Variants in ATM observed in about 807,000 individuals in gnomAD.
ATM encodes the protein ATM serine/threonine kinase.
A neutral mutation model predicts 387.0 loss-of-function variants in ATM; 308 were observed. The observed-to-expected ratio is 0.80, with a 90% CI of 0.73 to 0.87. The LOEUF (loss-of-function observed/expected upper bound fraction) is 0.87. Ranked by LOEUF, ATM falls within the 40% of genes least tolerant of loss-of-function variation. ATM has a pLI of 0.00. For synonymous variants in ATM, 1,156 were observed against 1,187.3 expected (o/e 0.97, Z 0.54); for missense variants, 3,312 against 3,560.9 (o/e 0.93, Z 1.78).
At position 108,277,318 on chromosome 11, in the gene ATM, C is replaced by T. The variant is rs570805422; in HGVS notation, c.3285-2173C>T. Among the ~76,000 whole-genome samples, 36 of 152,310 alleles carry T rather than the reference C, an allele frequency of 2.4e-4. No homozygotes were observed. In the East Asian group the frequency reaches 6.6e-3, roughly 28 times the overall value. ...TTGCTGGTCTCCATGGGGGTGGGAT[C>T]CGCTGAGCTAGACCACTTGGCTCCC... On this transcript the variant is annotated intron_variant, in intron 22 of 62. Coordinates refer to ENST00000675843, the MANE Select transcript of ATM (RefSeq NM_000051.4).
chr11:108,329,119 T>G lies in ATM; in HGVS notation c.7188T>G (p.Thr2396=). Residue 2396 remains threonine (T), a synonymous_variant, in exon 49 of 63, where the codon ACT becomes ACG. Coordinates refer to ENST00000675843, the MANE Select transcript of ATM (RefSeq NM_000051.4). ...AFLSLARFSD[T]QYQRIENYMK... Reference sequence around the variant, plus strand: ...TCTCATTAGCCCGGTTTTCAGATACTCAATACCAAAGAATTGAAAACTACA... The same window carrying G: ...TCTCATTAGCCCGGTTTTCAGATACGCAATACCAAAGAATTGAAAACTACA... 1 of 1,614,086 alleles carries G rather than the reference T, an allele frequency of 6.2e-7. No individual in the cohort carries two copies. The highest frequency in any genetic ancestry group is 8.5e-7 in the Non-Finnish European group (1 of 1,179,994).
In ATM at chr11:108,232,527, C is replaced by CCTTTTTTTTTTTTTTTTTTTTTTTTTT. The variant is rs2079062867; in HGVS notation, c.332-3143_332-3142insCTTTTTTTTTTTTTTTTTTTTTTTTTT. ...TAAGCAAATATTGTTGATTTCTCTC[C>CCTTTTTTTTTTTTTTTTTTTTTTTTTT]TTTTTTTTTTTTTTTTTTTTTTTTT... On this transcript the variant is annotated intron_variant, in intron 4 of 62. Transcript: ENST00000675843. Among the ~76,000 whole-genome samples the CCTTTTTTTTTTTTTTTTTTTTTTTTTT allele has an allele frequency of 5.2e-5, 3 of 58,178 alleles. 1 individual carries two copies. Among genetic ancestry groups the CCTTTTTTTTTTTTTTTTTTTTTTTTTT allele is most frequent in the African/African-American group, 1.9e-4 (3 of 15,386 alleles). The allele number at this position is 58,178 out of a possible 152,430, so 38.2% of individuals were successfully genotyped here. A position where few individuals can be genotyped will look rare whatever the true frequency, so the allele number is the denominator to read the frequency against.
intron 26 of ATM, among the ~76,000 whole-genome samples, chr11:108,285,926 A>G (rs1383296489): frequency 1.3e-5 from 2 of 152,232 alleles, no homozygotes; most frequent in Non-Finnish European, 2.9e-5. Flanking sequence ...GAGCCTGAAT[A>G]GGTTTTGGAG....
At chr11:108,279,712 T>G in intron 23 of ATM, 104 bp downstream of exon 23, 1 of 929,760 alleles carries the variant, frequency 1.1e-6, no homozygotes, top group Non-Finnish European at 1.8e-6. Context: ...ATCCAGTAGT[T>G]TACAGTATAA....
intron 30 of ATM, 37 bp from the exon 31 acceptor site, chr11:108,293,276 C>A: frequency 7.9e-7 from 1 of 1,263,834 alleles, no homozygotes; most frequent in Non-Finnish European, 1.1e-6. Flanking sequence ...AAAATTATTT[C>A]TCTCCTTATA....
intron 59 of ATM, among the ~76,000 whole-genome samples, chr11:108,348,178 T>C (rs227076): frequency 0.52 from 78,006 of 149,996 alleles, 20,883 homozygotes; most frequent in Middle Eastern, 0.72. Context: ...CTAGGTGGAA[T>C]AGACAGTTTA....
chr11:108,283,056 C>T (rs2082319548), intron 25 of ATM, among the ~76,000 whole-genome samples, 177 bp downstream of exon 25: 1 of 152,216 alleles, frequency 6.6e-6, no homozygotes, highest in African/African-American at 2.4e-5. Flanking sequence ...AAGGGAGTCA[C>T]TGGACTTCAG....
rs769106895 is a variant in ATM, at chr11:108,282,747, G to A, written c.3614G>A (p.Arg1205His). ...EKVSETFGYRRLEDFMASHLD... is the reference protein window; with the variant it reads ...EKVSETFGYRHLEDFMASHLD... ...GTTTCTGAAACTTTTGGATATAGACGTTTAGAAGACTTTATGGCATCTCAT... is the reference window on the plus strand; with the variant it reads ...GTTTCTGAAACTTTTGGATATAGACATTTAGAAGACTTTATGGCATCTCAT... Residue 1205 changes from arginine to histidine, a missense_variant, in exon 25 of 63, where the codon CGT becomes CAT. Around this residue, in one of 4 missense-constraint regions of ATM, gnomAD observed 1,791 missense variants for 1,804.5 expected, o/e 0.99. Coordinates refer to ENST00000675843, the MANE Select transcript of ATM (RefSeq NM_000051.4). The A allele has an allele frequency of 1.3e-5, 21 of 1,613,196 alleles. No individual in the cohort carries two copies. The African/African-American group carries it at 1.5e-4, about 11-fold the overall frequency.
At chr11:108,322,363 A>G (rs1463521227) in intron 45 of ATM, among the ~76,000 whole-genome samples, 1 of 152,162 alleles carries the variant, frequency 6.6e-6, no homozygotes, top group Non-Finnish European at 1.5e-5. Context: ...CTTGTTGGTC[A>G]GCCTGGCCTC....
At chr11:108,269,841 A>G (rs1333663350) in intron 18 of ATM, among the ~76,000 whole-genome samples, 1 of 152,204 alleles carries the variant, frequency 6.6e-6, no homozygotes, top group Non-Finnish European at 1.5e-5. Context: ...GTGAGAAGAC[A>G]AGTTTGGTTG....
intron 32 of ATM, chr11:108,296,860 C>T (rs2083150346): frequency 4.2e-6 from 1 of 240,716 alleles, no homozygotes; most frequent in South Asian, 5.5e-5. Flanking sequence ...CAGTAGTGAT[C>T]ATTGGACAGT....
intron 39 of ATM, among the ~76,000 whole-genome samples, chr11:108,311,423 C>T (rs1422746008): frequency 6.6e-6 from 1 of 152,110 alleles, no homozygotes; most frequent in Non-Finnish European, 1.5e-5. Context: ...AGGTTGGGCA[C>T]AGTGGCTCAC....
chr11:108,257,500 G>T lies in ATM; in HGVS notation c.2270G>T (p.Gly757Val), dbSNP rs375091571. Residue 757 changes from glycine to valine, a missense_variant, in exon 15 of 63, where the codon GGA becomes GTA. Around this residue, in one of 4 missense-constraint regions of ATM, gnomAD observed 1,791 missense variants for 1,804.5 expected, o/e 0.99. Coordinates refer to ENST00000675843, the MANE Select transcript of ATM (RefSeq NM_000051.4). ...QKAKSLMQCA[G>V]ESITLFKNKT... ...CAATAGTCTCTAATGCAATGTGCAG[G>T]AGAAAGTATCACTCTGTTTAAAAAT... 1.2e-6 allele frequency: 2 copies of T among 1,613,234 alleles called. No individual in the cohort carries two copies. Among genetic ancestry groups the T allele is most frequent in the African/African-American group, 1.3e-5 (1 of 74,910 alleles).
intron 49 of ATM, among the ~76,000 whole-genome samples, chr11:108,329,617 C>T (rs1353180332): frequency 3.3e-5 from 5 of 151,972 alleles, no homozygotes; most frequent in Admixed American, 2.6e-4. Flanking sequence ...TGCCATGTTG[C>T]CCAGGTTGGT....
Position 108,321,534 on chromosome 11 carries a change from G to C in ATM, c.6572+114G>C. 8.0e-6 allele frequency: 12 copies of C among 1,493,672 alleles called. No homozygotes were observed. In the South Asian group the frequency reaches 1.4e-4, roughly 17 times the overall value. The allele number at this position is 1,493,672 out of a possible 1,614,324, so 92.5% of individuals were successfully genotyped here. A position where few individuals can be genotyped will look rare whatever the true frequency, so the allele number is the denominator to read the frequency against. On this transcript the variant is annotated intron_variant, in intron 45 of 62. Transcript: ENST00000675843. ...ACGGTGGCTCATGCCTGTAATCCTA[G>C]CACTTTAGAAGGCTGAAGTGGGTGG...
intron 45 of ATM, 27 bp downstream of exon 45, chr11:108,321,447 C>A (rs1370155494): frequency 6.2e-7 from 1 of 1,613,684 alleles, no homozygotes; most frequent in Non-Finnish European, 8.5e-7. Context: ...ACTTTGTTAT[C>A]CTAAAGTGCA....
At chr11:108,328,382 G>T (rs911016786) in intron 48 of ATM, among the ~76,000 whole-genome samples, 10 of 152,172 alleles carry the variant, frequency 6.6e-5, no homozygotes, top group African/African-American at 2.4e-4. Flanking sequence ...AAGTAGCTGG[G>T]ACTACAGGAG....
Position 108,325,476 on chromosome 11 carries a change from A to G in ATM, c.6739A>G (p.Ile2247Val), listed in dbSNP as rs587781521. 1.2e-5 allele frequency: 19 copies of G among 1,613,576 alleles called. No homozygotes were observed. Among genetic ancestry groups the G allele is most frequent in the Admixed American group, 1.7e-5 (1 of 60,002 alleles). ...AATGGACAACTCACAAAGAGAATGT[A>G]TTAAGGACATTCTCACCAAACACCT... ...KEMDNSQREC[I>V]KDILTKHLVE... The change falls in exon 46 of 63, where the codon ATT (isoleucine) becomes GTT (valine). Residue 2247 changes from isoleucine to valine, a missense_variant. Transcript: ENST00000675843.
rs899241025 is a variant in ATM at position 108,271,297 on chromosome 11, A to G, written c.2968A>G (p.Ile990Val). 6.2e-7 allele frequency: 1 copy of G among 1,612,868 alleles called. No individual in the cohort carries two copies. The highest frequency in any genetic ancestry group is 1.3e-5 in the African/African-American group (1 of 74,528). The change falls in exon 20 of 63, where the codon ATT becomes GTT. Residue 990 changes from isoleucine (I) to valine (V), a missense_variant. Around this residue, in one of 4 missense-constraint regions of ATM, gnomAD observed 1,791 missense variants for 1,804.5 expected, o/e 0.99. Transcript: ENST00000675843. ...YRRDQDVCKT[I>V]LNHVLHVVKN... is the part of the protein sequence containing the mutation. ...TCGTGACCAAGATGTTTGTAAAACT[A>G]TTTTAAACCATGTCCTTCATGTAGT...
Sources: gnomAD v4.1 joint callset for allele counts (sites outside exome capture counted in the v4.1 genomes callset) on GRCh38, gnomAD v4.1.1 for gene constraint, gnomAD v4.1.1 regional missense constraint, MANE v1.5 for transcripts, NCBI Gene and HGNC (gene_info 2026-07-23, HGNC 2026-07-21) for gene names.